MCF2L2: variants seen among roughly 807,000 people sequenced by gnomAD.
MCF2L2 encodes the protein probable guanine nucleotide exchange factor MCF2L2.
In MCF2L2, 102 loss-of-function variants were observed where a neutral mutation model predicts 150.2. The observed-to-expected ratio is 0.68, with a 90% confidence interval of 0.58 to 0.80. MCF2L2 has a LOEUF of 0.80. MCF2L2 is among the 30% of genes least tolerant of loss of function. MCF2L2 has a pLI of 0.00. For synonymous variants in MCF2L2, 465 were observed against 491.3 expected (o/e 0.95, Z 0.71); for missense variants, 1,256 against 1,372.8 (o/e 0.91, Z 1.34).
intron 13 of MCF2L2, among the ~76,000 whole-genome samples, chr3:183,292,207 T>C (rs1389756557): frequency 6.6e-6 from 1 of 152,074 alleles, no homozygotes; most frequent in Non-Finnish European, 1.5e-5. Context: ...TTGTACTAAA[T>C]GGAGAATTAC....
Position 183,180,019 on chromosome 3 carries a change from G to C in MCF2L2, c.3105+52C>G, listed in dbSNP as rs1237327053. On this transcript the variant is annotated intron_variant, in intron 28 of 29. Transcript: ENST00000328913. ...CTAGGGACAGGAGGCAGGAGGAGCT[G>C]ATGAATAGGAAGGAGGGAAGAAGAT... 4.3e-6 allele frequency: 6 copies of C among 1,385,166 alleles called. No individual in the cohort carries two copies. In the East Asian group the frequency reaches 1.4e-4, roughly 32 times the overall value. 85.8% of individuals were successfully genotyped at this position (1,385,166 alleles called of 1,614,324 possible). A position where few individuals can be genotyped will look rare whatever the true frequency, so the allele number is the denominator to read the frequency against.
At chr3:183,217,160 G>C (rs1322882932) in intron 21 of MCF2L2, among the ~76,000 whole-genome samples, 1 of 151,580 alleles carries the variant, frequency 6.6e-6, no homozygotes, top group African/African-American at 2.4e-5. Flanking sequence ...TTAGTGTGGT[G>C]GTGGGCGCCT....
intron 15 of MCF2L2, among the ~76,000 whole-genome samples, chr3:183,248,276 T>G (rs2108690001): frequency 6.6e-6 from 1 of 152,342 alleles, no homozygotes; most frequent in South Asian, 2.1e-4. Context: ...CAAGACTGAT[T>G]CATTAAATGT....
intron 3 of MCF2L2, among the ~76,000 whole-genome samples, chr3:183,356,169 T>TTAA (rs1553787090): frequency 7.5e-6 from 1 of 132,778 alleles, no homozygotes; most frequent in Non-Finnish European, 1.6e-5. Context: ...AAAATTGACT[T>TTAA]AAAAAAAAAA....
intron 1 of MCF2L2, among the ~76,000 whole-genome samples, chr3:183,409,555 T>C (rs907843091): frequency 6.6e-4 from 99 of 149,106 alleles, no homozygotes; most frequent in African/African-American, 9.1e-4. Context: ...AAATTTCTTT[T>C]TTTTTTTTTT....
At position 183,197,582 on chromosome 3, in the gene MCF2L2, G is replaced by A. The variant is rs536686153; in HGVS notation, c.2885-2327C>T. On this transcript the variant is annotated intron_variant, in intron 25 of 29. Transcript: ENST00000328913. This position sits in a 1 kb window ranked among gnomAD's most constrained non-coding sequence, Gnocchi z 4.5. ...ATAACGATTTCTTAGGCAGGATACC[G>A]AAAACATGATACATACAGTTTTTAA... 3.2e-4 allele frequency among the ~76,000 whole-genome samples: 49 copies of A among 152,198 alleles called. No homozygotes were observed. Among genetic ancestry groups the A allele is most frequent in the African/African-American group, 1.0e-3 (43 of 41,536 alleles).
intron 1 of MCF2L2, among the ~76,000 whole-genome samples, chr3:183,395,721 C>T (rs1169907625): frequency 1.3e-5 from 2 of 151,918 alleles, no homozygotes; most frequent in Non-Finnish European, 2.9e-5. Context: ...GAGTTTGAGA[C>T]CAGCCTGGCC....
chr3:183,283,080 A>G lies in MCF2L2; in HGVS notation c.1776+6040T>C, dbSNP rs1454189789. On this transcript the variant is annotated intron_variant, in intron 14 of 29. Coordinates refer to ENST00000328913, the MANE Select transcript of MCF2L2 (RefSeq NM_015078.4). This position sits in a 1 kb window ranked among gnomAD's most constrained non-coding sequence, Gnocchi z 4.2. ...AAACGTCAAAACTATCTTTGGTATC[A>G]TGCTTCCTCCCCCTACCTTCTCTGC... Among the ~76,000 whole-genome samples, 4 of 152,182 alleles carry G rather than the reference A, an allele frequency of 2.6e-5. No homozygotes were observed. The highest frequency in any genetic ancestry group is 4.4e-5 in the Non-Finnish European group (3 of 68,036).
chr3:183,306,901 T>A (rs1312395161), intron 10 of MCF2L2, among the ~76,000 whole-genome samples: 1 of 152,226 alleles, frequency 6.6e-6, no homozygotes, highest in Non-Finnish European at 1.5e-5. Flanking sequence ...TGTTCCCTGC[T>A]GGCCCCTCAG....
At chr3:183,259,467 TCA>T (rs2108412056) in intron 15 of MCF2L2, among the ~76,000 whole-genome samples, 1 of 152,324 alleles carries the variant, frequency 6.6e-6, no homozygotes, top group Admixed American at 6.5e-5. Flanking sequence ...TTACATCTCT[TCA>T]TCAGGTTTAC....
chr3:183,295,212 C>T (rs771788724), intron 13 of MCF2L2, 88 bp downstream of exon 13: 246 of 1,344,978 alleles, frequency 1.8e-4, no homozygotes, highest in Non-Finnish European at 2.3e-4. Flanking sequence ...AAACAGCGAC[C>T]ATTATCCATT....
chr3:183,219,472 A>G (rs1482150892), intron 21 of MCF2L2, among the ~76,000 whole-genome samples: 1 of 152,074 alleles, frequency 6.6e-6, no homozygotes, highest in Non-Finnish European at 1.5e-5. Context: ...TTAGCTGTGC[A>G]TGGTGGCGGG....
intron 15 of MCF2L2, chr3:183,272,760 G>A: frequency 3.7e-6 from 4 of 1,083,146 alleles, no homozygotes; most frequent in Non-Finnish European, 4.5e-6. Flanking sequence ...ATTGATTAAT[G>A]ATGTATTGCC....
At chr3:183,367,289 C>T (rs921967106) in intron 3 of MCF2L2, among the ~76,000 whole-genome samples, 4 of 151,136 alleles carry the variant, frequency 2.6e-5, no homozygotes, top group South Asian at 2.1e-4. Flanking sequence ...GCAACAGCGC[C>T]GTCTAGGCAT....
Position 183,272,424 on chromosome 3 carries a change from C to T in MCF2L2, c.1862+4448G>A, listed in dbSNP as rs375248476. 73 of 1,000,124 alleles carry T rather than the reference C, an allele frequency of 7.3e-5. 1 individual carries two copies. The South Asian group carries it at 3.0e-3, about 41-fold the overall frequency. The allele number at this position is 1,000,124 out of a possible 1,614,324, so 62.0% of individuals were successfully genotyped here. ...ATATAATAAGGTGATGTCGGAAACA[C>T]GCAAAACAAAACGAAAAAAGATTTC... On this transcript the variant is annotated intron_variant, in intron 15 of 29. Coordinates refer to ENST00000328913, the MANE Select transcript of MCF2L2 (RefSeq NM_015078.4).
intron 27 of MCF2L2, among the ~76,000 whole-genome samples, chr3:183,185,002 C>T (rs747953659): frequency 5.3e-5 from 8 of 151,982 alleles, no homozygotes; most frequent in Admixed American, 3.3e-4. Flanking sequence ...CTGCAACCTC[C>T]GCCTCCCGGG....
intron 5 of MCF2L2, among the ~76,000 whole-genome samples, chr3:183,336,477 T>G (rs1730485741): frequency 6.6e-6 from 1 of 152,150 alleles, no homozygotes; most frequent in Middle Eastern, 3.2e-3. Context: ...TTCAATGGAC[T>G]AAAATGCTTA....
chr3:183,363,810 A>C (rs571254642), intron 3 of MCF2L2, among the ~76,000 whole-genome samples: 10 of 151,798 alleles, frequency 6.6e-5, no homozygotes, highest in African/African-American at 2.4e-4. Flanking sequence ...TATATCAGTA[A>C]AGTTATAAAA....
chr3:183,345,580 T>C (rs960735967), intron 3 of MCF2L2, among the ~76,000 whole-genome samples: 2 of 152,150 alleles, frequency 1.3e-5, no homozygotes, highest in African/African-American at 4.8e-5. Flanking sequence ...AGAGCAGAAC[T>C]GAAGGAGATA....
Sources: gnomAD v4.1 joint callset for allele counts (sites outside exome capture counted in the v4.1 genomes callset) on GRCh38, gnomAD v4.1.1 for gene constraint, Gnocchi (gnomAD v3.1) non-coding constraint, MANE v1.5 for transcripts, NCBI Gene and HGNC (gene_info 2026-07-23, HGNC 2026-07-21) for gene names.